AGBL1: variants seen among roughly 807,000 people sequenced by gnomAD.
AGBL1 encodes the protein cytosolic carboxypeptidase 4.
A neutral mutation model predicts 118.9 loss-of-function variants in AGBL1; 130 were observed. The ratio of observed to expected loss-of-function variants is 1.09; its 90% CI spans 0.95 to 1.26. AGBL1 has a LOEUF of 1.26. AGBL1 is among the 50% of genes most tolerant of loss of function. The pLI, the probability that AGBL1 is intolerant of heterozygous loss-of-function variation, is 0.00. For missense variants in AGBL1, 1,584 were observed against 1,298.1 expected (o/e 1.22, Z -3.38); for synonymous variants, 555 against 478.9 (o/e 1.16, Z -2.08).
At chr15:86,181,532 G>C (rs1258672989) in intron 5 of AGBL1, among the ~76,000 whole-genome samples, 3 of 151,920 alleles carry the variant, frequency 2.0e-5, no homozygotes, top group Non-Finnish European at 4.4e-5. Context: ...TATGGAGTAG[G>C]AGGGAGGGAT....
At chr15:86,833,325 G>C (rs577262888) in intron 22 of AGBL1, among the ~76,000 whole-genome samples, 1 of 152,234 alleles carries the variant, frequency 6.6e-6, no homozygotes, top group East Asian at 2.0e-4. Context: ...AACTTGAATT[G>C]TACCTCCCAG....
rs556977453 is a variant in AGBL1 at position 86,560,609 on chromosome 15, T to A, written c.2994+6072T>A. Among the ~76,000 whole-genome samples the A allele has an allele frequency of 5.6e-4, 86 of 152,376 alleles. No homozygotes were observed. The East Asian group carries it at 0.016, about 28-fold the overall frequency. On this transcript the variant is annotated intron_variant, in intron 21 of 22. Transcript: ENST00000614907. The stretch of plus-strand genomic sequence containing the variant: ...GTGCCACAATAAACACACATGTGCA[T>A]CTGTCTTTATAGCAGCAGGATTTAT...
chr15:87,025,201 C>T lies in AGBL1; in HGVS notation c.3324-3624C>T, dbSNP rs866448453. Among the ~76,000 whole-genome samples the T allele has an allele frequency of 3.9e-5, 6 of 152,014 alleles. No homozygotes were observed. In the Middle Eastern group the frequency reaches 0.014, roughly 345 times the overall value. The stretch of plus-strand genomic sequence containing the variant: ...GAGGGAGTCAAACTGCTGCTGTTTG[C>T]TGATGATATGATTGTTTACCTAGAA... On this transcript the variant is annotated intron_variant, in intron 24 of 24. Coordinates refer to the AGBL1 transcript ENST00000441037.
chr15:86,109,119 A>G (rs550259099), intron 1 of AGBL1, among the ~76,000 whole-genome samples: 2 of 152,346 alleles, frequency 1.3e-5, no homozygotes, highest in East Asian at 3.9e-4. Flanking sequence ...TAGTATATCT[A>G]CTACAACTCC....
At chr15:86,877,081 C>G (rs1391907110) in intron 22 of AGBL1, among the ~76,000 whole-genome samples, 1 of 152,142 alleles carries the variant, frequency 6.6e-6, no homozygotes, top group Non-Finnish European at 1.5e-5. Flanking sequence ...CTTCTCAGAT[C>G]CATATAAGAT....
intron 22 of AGBL1, among the ~76,000 whole-genome samples, chr15:86,683,189 C>T (rs1032808841): frequency 6.6e-6 from 1 of 152,020 alleles, no homozygotes; most frequent in Non-Finnish European, 1.5e-5. Context: ...TTATTAATTT[C>T]TCTTTATAGT....
chr15:86,704,724 C>T (rs762329509), intron 22 of AGBL1, among the ~76,000 whole-genome samples: 3 of 152,064 alleles, frequency 2.0e-5, no homozygotes, highest in Non-Finnish European at 4.4e-5. Flanking sequence ...AACAGTGTGG[C>T]GATTCCTTAA....
At chr15:86,767,139 A>G (rs1448076420) in intron 22 of AGBL1, among the ~76,000 whole-genome samples, 11 of 152,034 alleles carry the variant, frequency 7.2e-5, no homozygotes, top group East Asian at 3.9e-4. Context: ...GATTAGCTAT[A>G]TAAGTGAAGC....
At chr15:86,241,080 C>G (rs763534358) in intron 6 of AGBL1, among the ~76,000 whole-genome samples, 27 of 152,094 alleles carry the variant, frequency 1.8e-4, no homozygotes, top group Non-Finnish European at 3.8e-4. Flanking sequence ...GGGGTGTGAA[C>G]TTCAGCATGC....
chr15:86,830,428 C>G (rs965161803), intron 22 of AGBL1, among the ~76,000 whole-genome samples: 9 of 152,124 alleles, frequency 5.9e-5, no homozygotes, highest in Non-Finnish European at 1.3e-4. Context: ...TTCCAGAAAG[C>G]ATCTACCACC....
chr15:86,353,407 C>A (rs1340525425), intron 17 of AGBL1, among the ~76,000 whole-genome samples: 1 of 152,158 alleles, frequency 6.6e-6, no homozygotes, highest in East Asian at 1.9e-4. Flanking sequence ...TAATGGGCTG[C>A]CACTGAGGTC....
intron 5 of AGBL1, among the ~76,000 whole-genome samples, chr15:86,169,430 C>G (rs1258337572): frequency 6.6e-6 from 1 of 152,132 alleles, no homozygotes; most frequent in African/African-American, 2.4e-5. Flanking sequence ...ACTCATGGGA[C>G]ATTGGATAAA....
chr15:86,231,447 G>A (rs771060214), intron 6 of AGBL1, among the ~76,000 whole-genome samples: 11 of 152,210 alleles, frequency 7.2e-5, no homozygotes, highest in Non-Finnish European at 7.3e-5. Context: ...GTATATTTCT[G>A]TGATGAGCCA....
chr15:86,224,648 G>A (rs999125267), intron 5 of AGBL1, among the ~76,000 whole-genome samples: 2 of 152,164 alleles, frequency 1.3e-5, no homozygotes, highest in African/African-American at 4.8e-5. Flanking sequence ...GAAGTTGGTG[G>A]AAGGTGGGAG....
chr15:87,016,734 G>C (rs1177672904), intron 24 of AGBL1, among the ~76,000 whole-genome samples: 1 of 152,116 alleles, frequency 6.6e-6, no homozygotes, highest in Non-Finnish European at 1.5e-5. Context: ...GAGTGGCATA[G>C]AGCCAAAGGA....
intron 17 of AGBL1, among the ~76,000 whole-genome samples, chr15:86,316,104 C>T (rs541128565): frequency 6.6e-6 from 1 of 152,260 alleles, no homozygotes; most frequent in African/African-American, 2.4e-5. Flanking sequence ...TATCCCTCAC[C>T]TATTTCTTTA....
At chr15:87,028,960 C>T (rs1021614501) in exon 25 of AGBL1, 3 of 1,136,510 alleles carry the variant, frequency 2.6e-6, no homozygotes, top group African/African-American at 1.5e-5. Context: ...GAAAATGTTG[C>T]TCCATCATCC....
chr15:86,813,248 G>C (rs963588455), intron 22 of AGBL1, among the ~76,000 whole-genome samples: 6 of 152,024 alleles, frequency 3.9e-5, no homozygotes, highest in Admixed American at 1.3e-4. Flanking sequence ...GTAGGGGTCA[G>C]TCCAAAGGGC....
chr15:86,884,962 G>A (rs573889050), intron 22 of AGBL1, among the ~76,000 whole-genome samples: 1 of 152,244 alleles, frequency 6.6e-6, no homozygotes, highest in East Asian at 1.9e-4. Flanking sequence ...GTGTTGTTCA[G>A]TAATTAGTAA....
Sources: allele counts gnomAD v4.1 joint callset (sites outside exome capture counted in the v4.1 genomes callset), GRCh38; gene constraint gnomAD v4.1.1; transcripts MANE v1.5; gene names NCBI Gene and HGNC (gene_info 2026-07-23, HGNC 2026-07-21).